DUSP8: variants seen among roughly 807,000 people sequenced by gnomAD.
The protein encoded by DUSP8 is dual specificity phosphatase 8, also known as dual specificity protein phosphatase 8.
In DUSP8, 15 loss-of-function variants were observed where a neutral mutation model predicts 38.7. The observed-to-expected ratio is 0.39, with a 90% CI of 0.26 to 0.60. DUSP8 has a LOEUF of 0.60. Ranked by LOEUF, DUSP8 falls within the 20% of genes least tolerant of loss-of-function variation. DUSP8 has a pLI of 0.56. For missense variants in DUSP8, 768 were observed against 915.0 expected (o/e 0.84, Z 2.07); for synonymous variants, 458 against 433.9 (o/e 1.06, Z -0.69).
rs1259243830 is a variant in DUSP8 at position 1,556,934 on chromosome 11, G to A, written c.1462C>T (p.Leu488Phe). 2.5e-5 allele frequency: 27 copies of A among 1,077,934 alleles called. No homozygotes were observed. Among genetic ancestry groups the A allele is most frequent in the Non-Finnish European group, 2.9e-5 (26 of 891,090 alleles). 66.8% of individuals were successfully genotyped at this position (1,077,934 alleles called of 1,614,324 possible). A position where few individuals can be genotyped will look rare whatever the true frequency, so the allele number is the denominator to read the frequency against. ...AGCCCGGGCGCCGACAGGGCCGAGA[G>A]GCCGTGCCGCGGAGTCTGCCGGGCC... ...DAARQTPRHG[L>F]SALSAPGLPG... The change falls in exon 7 of 7, where the codon CTC (leucine) becomes TTC (phenylalanine). Residue 488 changes from leucine (L) to phenylalanine (F), a missense_variant. Leu to Phe is a conservative substitution (Grantham distance 22). This residue lies in a region of DUSP8 where 474 missense variants were observed against 430.8 expected (regional missense o/e 1.10). Coordinates refer to ENST00000397374, the MANE Select transcript of DUSP8 (RefSeq NM_004420.3). This position sits in a 1 kb window ranked among gnomAD's most constrained non-coding sequence, Gnocchi z 5.2.
rs984977530 is a variant in DUSP8 at position 1,564,009 on chromosome 11, G to T, written c.232-20C>A. 1 of 1,438,412 alleles carries T rather than the reference G, an allele frequency of 7.0e-7. No individual in the cohort carries two copies. The highest frequency in any genetic ancestry group is 9.2e-7 in the Non-Finnish European group (1 of 1,086,070). 89.1% of individuals were successfully genotyped at this position (1,438,412 alleles called of 1,614,324 possible). On this transcript the variant is annotated intron_variant, in intron 2 of 6. Transcript: ENST00000397374. ...CTCCACCTGGGGGCCATGGGGCAGA[G>T]ATCAGCATGCCGCCTCCACCTATCG...
chr11:1,558,266 C>T lies in DUSP8; in HGVS notation c.543G>A (p.Leu181=). The change falls in exon 5 of 7, where the codon CTG becomes CTA. Residue 181 remains leucine, a synonymous_variant. Transcript: ENST00000397374. The surrounding 1 kb of genome is among the most constrained non-coding windows in gnomAD (Gnocchi z 6.3). ...CGTAGCTTATTCCATTTTGCGTCAT[C>T]AGATCCTGGAGGGGCGGGAGGGCGG... ...GSQKDVLNKD[L]MTQNGISYVL... 9.7e-7 allele frequency: 1 copy of T among 1,030,868 alleles called. No homozygotes were observed. Among genetic ancestry groups the T allele is most frequent in the Non-Finnish European group, 1.3e-6 (1 of 748,376 alleles). The allele number at this position is 1,030,868 out of a possible 1,614,324, so 63.9% of individuals were successfully genotyped here.
intron 2 of DUSP8, among the ~76,000 whole-genome samples, chr11:1,564,717 A>G (rs1274070732): frequency 1.3e-5 from 2 of 152,036 alleles, no homozygotes; most frequent in Admixed American, 6.5e-5. Flanking sequence ...ATGGGATCGC[A>G]CTCTGCCGGG....
rs930294908 is a variant in DUSP8, at chr11:1,558,469, G to A, written c.538-198C>T. Among the ~76,000 whole-genome samples the A allele has an allele frequency of 6.6e-6, 1 of 152,142 alleles. No homozygotes were observed. The highest frequency in any genetic ancestry group is 6.5e-5 in the Admixed American group (1 of 15,292). On this transcript the variant is annotated intron_variant, in intron 4 of 6. Coordinates refer to ENST00000397374, the MANE Select transcript of DUSP8 (RefSeq NM_004420.3). This position sits in a 1 kb window ranked among gnomAD's most constrained non-coding sequence, Gnocchi z 6.3. Reference sequence around the variant, plus strand: ...ACCCTGGCACCCTGGGCCCGTGCGGGGGGTGGGGCACGGCTGGCCTCCGAC... The same window carrying A: ...ACCCTGGCACCCTGGGCCCGTGCGGAGGGTGGGGCACGGCTGGCCTCCGAC...
At position 1,556,783 on chromosome 11, in the gene DUSP8, AG is replaced by A; in HGVS notation, c.1612del (p.Leu538CysfsTer126). On this transcript the variant is annotated frameshift_variant, in exon 7 of 7. Coordinates refer to ENST00000397374, the MANE Select transcript of DUSP8 (RefSeq NM_004420.3). LOFTEE classifies it high-confidence loss of function. This position sits in a 1 kb window ranked among gnomAD's most constrained non-coding sequence, Gnocchi z 5.2. ...PEGAQGAGGVLFAPFGRAGAP... is the reference protein window; with the variant it reads ...PEGAQGAGGVXFAPFGRAGAP... ...GCCCGCCCGGCCGAAGGGCGCAAAC[AG>A]CACCCCGCCCGCCCCCTGTGCGCCC... 8.4e-7 allele frequency: 1 copy of A among 1,185,262 alleles called. No homozygotes were observed. The highest frequency in any genetic ancestry group is 1.0e-6 in the Non-Finnish European group (1 of 958,424). 73.4% of individuals were successfully genotyped at this position (1,185,262 alleles called of 1,614,324 possible). A position where few individuals can be genotyped will look rare whatever the true frequency, so the allele number is the denominator to read the frequency against.
intron 3 of DUSP8, chr11:1,559,348 G>C (rs1346088039): frequency 2.4e-6 from 1 of 417,202 alleles, no homozygotes; most frequent in Non-Finnish European, 4.3e-6. Flanking sequence ...TAAAGGTGGC[G>C]TTGAGGTGGC....
Position 1,556,666 on chromosome 11 carries a change from G to A in DUSP8, c.1730C>T (p.Pro577Leu), listed in dbSNP as rs1346870879. The A allele has an allele frequency of 1.5e-6, 2 of 1,376,386 alleles. No individual in the cohort carries two copies. The highest frequency in any genetic ancestry group is 1.9e-6 in the Non-Finnish European group (2 of 1,059,120). The allele number at this position is 1,376,386 out of a possible 1,614,324, so 85.3% of individuals were successfully genotyped here. ...GCGCTTGAACTGCGTCTCCGGGGCC[G>A]GCTCCTCGGGCCAGCCGGTCCGCGC... ...RDARTGWPEE[P>L]APETQFKRRS... Residue 577 changes from proline to leucine, a missense_variant, in exon 7 of 7, where the codon CCG (proline) becomes CTG (leucine). Pro to Leu is a moderately conservative substitution (Grantham distance 98, BLOSUM62 -3). Coordinates refer to ENST00000397374, the MANE Select transcript of DUSP8 (RefSeq NM_004420.3). The surrounding 1 kb of genome is among the most constrained non-coding windows in gnomAD (Gnocchi z 5.2).
Position 1,557,196 on chromosome 11 carries a change from A to C in DUSP8, c.1200T>G (p.Ser400=). The change falls in exon 7 of 7, where the codon TCT becomes TCG. Residue 400 remains serine, a synonymous_variant. Coordinates refer to ENST00000397374, the MANE Select transcript of DUSP8 (RefSeq NM_004420.3). The surrounding 1 kb of genome is among the most constrained non-coding windows in gnomAD (Gnocchi z 9.9). The part of the protein sequence containing the change: ...LKRSFSLDIK[S]AYAPSRRPDG... ...CGGGCCGCCTGCTAGGGGCGTAGGC[A>C]GACTTGATGTCCAGGGAGAAGGAGC... 2 of 1,488,090 alleles carry C rather than the reference A, an allele frequency of 1.3e-6. No homozygotes were observed. The highest frequency in any genetic ancestry group is 1.8e-6 in the Non-Finnish European group (2 of 1,122,364). 92.2% of individuals were successfully genotyped at this position (1,488,090 alleles called of 1,614,324 possible). A position where few individuals can be genotyped will look rare whatever the true frequency, so the allele number is the denominator to read the frequency against.
chr11:1,557,249 G>A lies in DUSP8; in HGVS notation c.1147C>T (p.Arg383Cys), dbSNP rs1281866228. The A allele has an allele frequency of 2.7e-6, 4 of 1,494,464 alleles. No individual in the cohort carries two copies. The highest frequency in any genetic ancestry group is 2.9e-5 in the East Asian group (1 of 34,570). The allele number at this position is 1,494,464 out of a possible 1,614,324, so 92.6% of individuals were successfully genotyped here. A position where few individuals can be genotyped will look rare whatever the true frequency, so the allele number is the denominator to read the frequency against. Residue 383 changes from arginine to cysteine, a missense_variant, in exon 7 of 7, where the codon CGC becomes TGC. Transcript: ENST00000397374. The surrounding 1 kb of genome is among the most constrained non-coding windows in gnomAD (Gnocchi z 9.9). The stretch of plus-strand genomic sequence containing the variant: ...TTGAGGCGGTTAGTGTCCTGCAGGC[G>A]GTCCGAGGAGAGGTGCAGGCCGCGC... ...GLRGLHLSSD[R>C]LQDTNRLKRS...
intron 3 of DUSP8, among the ~76,000 whole-genome samples, chr11:1,561,553 C>T (rs1448937684): frequency 1.3e-5 from 2 of 152,236 alleles, no homozygotes; most frequent in Admixed American, 6.5e-5. Flanking sequence ...CCCCCAACAT[C>T]GTGAGCAGCG....
chr11:1,557,478 C>G lies in DUSP8; in HGVS notation c.918G>C (p.Leu306=). 6.4e-7 allele frequency: 1 copy of G among 1,569,714 alleles called. No individual in the cohort carries two copies. Among genetic ancestry groups the G allele is most frequent in the South Asian group, 1.2e-5 (1 of 86,770 alleles). ...CTGAGGGGGTGCCCGGGTCGCCCTG[C>G]AGGGCGGCCAGCAGCTTCAGGCTGC... ...YERSLKLLAA[L]QGDPGTPSGT... Residue 306 remains leucine, a synonymous_variant, in exon 7 of 7, where the codon CTG becomes CTC. Coordinates refer to ENST00000397374, the MANE Select transcript of DUSP8 (RefSeq NM_004420.3). This position sits in a 1 kb window ranked among gnomAD's most constrained non-coding sequence, Gnocchi z 9.9.
chr11:1,565,464 C>T (rs899803312), intron 2 of DUSP8, 132 bp downstream of exon 2: 12 of 722,440 alleles, frequency 1.7e-5, no homozygotes, highest in African/African-American at 7.0e-5. Flanking sequence ...CTGCTCCACA[C>T]GCCCCTGGCT....
intron 3 of DUSP8, among the ~76,000 whole-genome samples, chr11:1,560,036 G>A (rs902855749): frequency 2.0e-5 from 3 of 152,160 alleles, no homozygotes; most frequent in African/African-American, 7.2e-5. Context: ...ACCTGGCTGG[G>A]GCGACCACCG....
intron 3 of DUSP8, among the ~76,000 whole-genome samples, chr11:1,560,681 A>C (rs1403951994): frequency 6.6e-6 from 1 of 152,222 alleles, no homozygotes; most frequent in Non-Finnish European, 1.5e-5. Flanking sequence ...TGGGCACTGT[A>C]GCTGGCTTCC....
rs1478441472 is a variant in DUSP8 at position 1,555,097 on chromosome 11, C to T, written c.*1421G>A. ...TCTCCGGCCAAGCCCCTGGCCTCTTCCCACAGTGACTGGCCCCACTCCTAG... is the reference window on the plus strand; with the variant it reads ...TCTCCGGCCAAGCCCCTGGCCTCTTTCCACAGTGACTGGCCCCACTCCTAG... On this transcript the variant is annotated 3_prime_UTR_variant, in exon 7 of 7. Coordinates refer to ENST00000397374, the MANE Select transcript of DUSP8 (RefSeq NM_004420.3). 6.1e-6 allele frequency: 6 copies of T among 987,196 alleles called. No individual in the cohort carries two copies. The highest frequency in any genetic ancestry group is 1.7e-5 in the African/African-American group (1 of 57,262). 61.2% of individuals were successfully genotyped at this position (987,196 alleles called of 1,614,324 possible). A position where few individuals can be genotyped will look rare whatever the true frequency, so the allele number is the denominator to read the frequency against.
intron 2 of DUSP8, 87 bp from the exon 3 acceptor site, chr11:1,564,076 G>A (rs1590805323): frequency 7.4e-7 from 1 of 1,352,146 alleles, no homozygotes; most frequent in East Asian, 2.9e-5. Context: ...CAAGGGAATA[G>A]TAAGGGCATC....
chr11:1,559,265 C>T (rs1848682988), intron 3 of DUSP8: 2 of 520,906 alleles, frequency 3.8e-6, no homozygotes, highest in Non-Finnish European at 6.6e-6. Context: ...CATTTACAGC[C>T]TGCACCTACG....
Position 1,556,779 on chromosome 11 carries a change from A to T in DUSP8, c.1617T>A (p.Phe539Leu). The change falls in exon 7 of 7, where the codon TTT becomes TTA. Residue 539 changes from phenylalanine (F) to leucine (L), a missense_variant. Phe to Leu is a conservative substitution (Grantham distance 22). Transcript: ENST00000397374. This position sits in a 1 kb window ranked among gnomAD's most constrained non-coding sequence, Gnocchi z 5.2. ...GGGCGCCCGCCCGGCCGAAGGGCGCAAACAGCACCCCGCCCGCCCCCTGTG... is the reference window on the plus strand; with the variant it reads ...GGGCGCCCGCCCGGCCGAAGGGCGCTAACAGCACCCCGCCCGCCCCCTGTG... ...EGAQGAGGVLFAPFGRAGAPG... is the reference protein window; with the variant it reads ...EGAQGAGGVLLAPFGRAGAPG... The T allele has an allele frequency of 1.7e-6, 2 of 1,188,438 alleles. No homozygotes were observed. Among genetic ancestry groups the T allele is most frequent in the Non-Finnish European group, 2.1e-6 (2 of 960,444 alleles). 73.6% of individuals were successfully genotyped at this position (1,188,438 alleles called of 1,614,324 possible). A position where few individuals can be genotyped will look rare whatever the true frequency, so the allele number is the denominator to read the frequency against.
In DUSP8 at chr11:1,555,477, G is replaced by C. The variant is rs1323147062; in HGVS notation, c.*1041C>G. ...ACCTGAATTCCAAGTTCTGCCTGGG[G>C]CATGGCTGGGAGGGGGGCGGGGCAG... On this transcript the variant is annotated 3_prime_UTR_variant, in exon 7 of 7. Coordinates refer to ENST00000397374, the MANE Select transcript of DUSP8 (RefSeq NM_004420.3). 1 of 979,216 alleles carries C rather than the reference G, an allele frequency of 1.0e-6. No homozygotes were observed. The highest frequency in any genetic ancestry group is 1.8e-5 in the African/African-American group (1 of 56,918). 60.7% of individuals were successfully genotyped at this position (979,216 alleles called of 1,614,324 possible).
Sources: allele counts gnomAD v4.1 joint callset (sites outside exome capture counted in the v4.1 genomes callset), GRCh38; gene constraint gnomAD v4.1.1; regional missense constraint gnomAD v4.1.1; non-coding constraint Gnocchi (gnomAD v3.1); transcripts MANE v1.5; gene names NCBI Gene and HGNC (gene_info 2026-07-23, HGNC 2026-07-21).